The following PLD5 variants were observed in gnomAD, a reference collection of about 807,000 sequenced individuals.
PLD5 encodes the protein inactive phospholipase D5.
A neutral mutation model predicts 61.1 loss-of-function variants in PLD5; 36 were observed. That is an observed-to-expected ratio of 0.59 (90% CI 0.45 to 0.78). The LOEUF (loss-of-function observed/expected upper bound fraction) is 0.78, where lower values mean the gene tolerates loss of function less well. Ranked by LOEUF, PLD5 falls within the 30% of genes least tolerant of loss-of-function variation. PLD5 has a pLI of 0.00. For missense variants in PLD5, 515 were observed against 644.4 expected, an observed-to-expected ratio of 0.80 and a Z score of 2.17; for synonymous variants, 243 against 242.8, an observed-to-expected ratio of 1.00 and a Z score of -0.01.
At chr1:242,166,894 G>T (rs1666342016) in intron 5 of PLD5, among the ~76,000 whole-genome samples, 1 of 151,872 alleles carries the variant, frequency 6.6e-6, no homozygotes, top group African/African-American at 2.4e-5. Context: ...TGTAGTTAGT[G>T]GTATGATATG....
chr1:242,174,288 A>G (rs1450327280), intron 5 of PLD5, among the ~76,000 whole-genome samples: 1 of 152,274 alleles, frequency 6.6e-6, no homozygotes, highest in Non-Finnish European at 1.5e-5. Flanking sequence ...GCCAACAGAC[A>G]CATGAAAAAA....
intron 1 of PLD5, among the ~76,000 whole-genome samples, chr1:242,426,395 C>G (rs986199726): frequency 1.3e-5 from 2 of 151,520 alleles, no homozygotes; most frequent in Non-Finnish European, 1.5e-5. Context: ...CATAAAGCAG[C>G]AACATCACCA....
intron 4 of PLD5, among the ~76,000 whole-genome samples, chr1:242,224,000 G>T (rs1281349456): frequency 6.6e-6 from 1 of 152,018 alleles, no homozygotes; most frequent in Middle Eastern, 3.2e-3. Flanking sequence ...ATCCTATTGG[G>T]TCTTTATGTA....
chr1:242,097,715 T>C (rs1372367378), intron 9 of PLD5, among the ~76,000 whole-genome samples: 3 of 152,242 alleles, frequency 2.0e-5, no homozygotes, highest in African/African-American at 7.2e-5. Context: ...ACTCTGATGG[T>C]AGTTTCTTTT....
chr1:242,130,537 A>T (rs930374255), intron 5 of PLD5, among the ~76,000 whole-genome samples: 9 of 152,204 alleles, frequency 5.9e-5, no homozygotes, highest in African/African-American at 2.2e-4. Flanking sequence ...CTGTTTCCAT[A>T]GAGGTTGTAT....
At position 242,301,765 on chromosome 1, in the gene PLD5, C is replaced by CATTATTATTATTATTATTATT. The variant is rs543604489; in HGVS notation, c.327-13256_327-13236dup. Among the ~76,000 whole-genome samples, 492 of 141,030 alleles carry CATTATTATTATTATTATTATT rather than the reference C, an allele frequency of 3.5e-3. 5 individuals are homozygous for CATTATTATTATTATTATTATT. The highest frequency in any genetic ancestry group is 0.033 in the East Asian group (161 of 4,820). The allele number at this position is 141,030 out of a possible 152,430, so 92.5% of individuals were successfully genotyped here. ...GTAGGTTTATTTTTATTTTTTAAAA[C>CATTATTATTATTATTATTATT]ATTATTATTATTATTATTATTATTA... is the stretch of plus-strand genomic sequence containing the variant. On this transcript the variant is annotated intron_variant, in intron 2 of 9. Coordinates refer to ENST00000536534, the MANE Select transcript of PLD5 (RefSeq NM_001372062.1).
chr1:242,489,799 A>G (rs1042417671), intron 1 of PLD5, among the ~76,000 whole-genome samples: 1 of 152,222 alleles, frequency 6.6e-6, no homozygotes, highest in Admixed American at 6.5e-5. Flanking sequence ...CAGAATTTCA[A>G]AGGATTTCAC....
intron 1 of PLD5, among the ~76,000 whole-genome samples, chr1:242,419,162 G>A (rs938880553): frequency 3.3e-5 from 5 of 152,188 alleles, no homozygotes; most frequent in Admixed American, 6.5e-5. Flanking sequence ...GCCTCCAGGC[G>A]GGTGTGGCTC....
intron 1 of PLD5, among the ~76,000 whole-genome samples, chr1:242,471,638 G>A (rs1448148774): frequency 6.6e-6 from 1 of 152,062 alleles, no homozygotes; most frequent in African/African-American, 2.4e-5. Flanking sequence ...TATAAAAAGA[G>A]AAAAGGGACA....
chr1:242,439,458 TTG>T (rs1666169928), intron 1 of PLD5, among the ~76,000 whole-genome samples: 2 of 152,198 alleles, frequency 1.3e-5, no homozygotes, highest in Non-Finnish European at 2.9e-5. Context: ...CTACATGTAG[TTG>T]GCCTGATCTC....
chr1:242,265,317 C>T lies in PLD5; in HGVS notation c.607+20G>A. The T allele has an allele frequency of 6.3e-7, 1 of 1,598,336 alleles. No homozygotes were observed. Among genetic ancestry groups the T allele is most frequent in the Non-Finnish European group, 8.5e-7 (1 of 1,176,450 alleles). On this transcript the variant is annotated intron_variant, in intron 4 of 9. Transcript: ENST00000536534. ...AACAGAACACCCAGCGGTAGAATAG[C>T]ATATCAACCTTGGTCTTACCCTTTA...
chr1:242,126,424 C>T (rs1228232194), intron 5 of PLD5, among the ~76,000 whole-genome samples: 2 of 152,206 alleles, frequency 1.3e-5, no homozygotes, highest in Non-Finnish European at 2.9e-5. Flanking sequence ...TATAAGGCCA[C>T]AGTCACCACA....
chr1:242,100,097 C>T (rs1660567845), intron 9 of PLD5, among the ~76,000 whole-genome samples: 1 of 152,192 alleles, frequency 6.6e-6, no homozygotes, highest in African/African-American at 2.4e-5. Flanking sequence ...AGGTACTTTG[C>T]ACATTTTGTC....
chr1:242,286,160 A>T (rs1675010629), intron 3 of PLD5, among the ~76,000 whole-genome samples: 1 of 152,262 alleles, frequency 6.6e-6, no homozygotes, highest in East Asian at 1.9e-4. Flanking sequence ...AAGAATTTAA[A>T]TGGCTCTGGC....
At chr1:242,317,187 G>C (rs960485956) in intron 2 of PLD5, among the ~76,000 whole-genome samples, 11 of 151,944 alleles carry the variant, frequency 7.2e-5, no homozygotes, top group African/African-American at 1.9e-4. Flanking sequence ...CTAATTTTTT[G>C]TATCTTTAGT....
intron 9 of PLD5, among the ~76,000 whole-genome samples, chr1:242,095,198 G>C (rs775125161): frequency 1.3e-5 from 2 of 151,870 alleles, no homozygotes; most frequent in Non-Finnish European, 2.9e-5. Context: ...GCTTCCCAAA[G>C]CGCTGGAATT....
intron 3 of PLD5, among the ~76,000 whole-genome samples, chr1:242,283,788 T>C (rs1164461346): frequency 2.0e-5 from 3 of 152,066 alleles, no homozygotes; most frequent in African/African-American, 7.2e-5. Flanking sequence ...CACACACAAG[T>C]CCAAAGACTG....
At chr1:242,526,316 G>A (rs115480209), upstream of PLD5, among the ~76,000 whole-genome samples, 1 of 152,150 alleles carries the variant, frequency 6.6e-6, no homozygotes, top group African/African-American at 2.4e-5. Context: ...AGCCTGGGAA[G>A]AGGAGGCAAC....
intron 1 of PLD5, among the ~76,000 whole-genome samples, chr1:242,383,314 ATTG>A (rs1366264905): frequency 6.6e-6 from 1 of 152,098 alleles, no homozygotes; most frequent in Non-Finnish European, 1.5e-5. Flanking sequence ...GACATCTCAA[ATTG>A]TTTCCTTTAT....
Sources: gnomAD v4.1 joint callset for allele counts (sites outside exome capture counted in the v4.1 genomes callset) on GRCh38, gnomAD v4.1.1 for gene constraint, MANE v1.5 for transcripts, NCBI Gene and HGNC (gene_info 2026-07-23, HGNC 2026-07-21) for gene names.